Variants in IFT172 observed in about 807,000 individuals in gnomAD.
IFT172 encodes the protein intraflagellar transport protein 172 homolog.
Under a neutral mutation model 248.9 loss-of-function variants are expected in IFT172, and 164 were observed. That is an observed-to-expected ratio of 0.66 (90% CI 0.58 to 0.75). The LOEUF is 0.75. Among genes scored for constraint, IFT172 ranks in the 30% least tolerant of loss-of-function variants. The pLI, the probability that IFT172 is intolerant of heterozygous loss-of-function variation, is 0.00. For missense variants in IFT172, 1,950 were observed against 2,192.4 expected (o/e 0.89, Z 2.21); for synonymous variants, 729 against 791.6 (o/e 0.92, Z 1.33).
chr2:27,458,335 T>A, intron 26 of IFT172, 112 bp from the exon 27 acceptor site: 1 of 864,598 alleles, frequency 1.2e-6, no homozygotes, highest in Middle Eastern at 2.4e-4. Flanking sequence ...TCACAGGAGT[T>A]TGGGTATTGC....
Position 27,461,068 on chromosome 2 carries a change from T to G in IFT172, c.2468A>C (p.His823Pro). The G allele has an allele frequency of 6.2e-7, 1 of 1,614,120 alleles. No homozygotes were observed. Among genetic ancestry groups the G allele is most frequent in the Non-Finnish European group, 8.5e-7 (1 of 1,180,018 alleles). ...GCACTCCAGGGCCTTCTGTGGATTG[T>G]GAATCTTCTCAAAGAGATCACCTGC... ...ERAGDLFEKI[H>P]NPQKALECYR... Residue 823 changes from histidine to proline, a missense_variant, in exon 23 of 48, where the codon CAC becomes CCC. By Grantham distance (77) the His-to-Pro change is moderately conservative. Coordinates refer to ENST00000260570, the MANE Select transcript of IFT172 (RefSeq NM_015662.3).
In IFT172 at chr2:27,461,089, C is replaced by G; in HGVS notation, c.2447G>C (p.Gly816Ala). The G allele has an allele frequency of 6.2e-7, 1 of 1,614,136 alleles. No individual in the cohort carries two copies. Among genetic ancestry groups the G allele is most frequent in the South Asian group, 1.1e-5 (1 of 91,086 alleles). ...LIKGELYERA[G>A]DLFEKIHNPQ... is the part of the protein sequence containing the mutation. ...ATTGTGAATCTTCTCAAAGAGATCA[C>G]CTGCCTGTTAACACATACCACATTA... The change falls in exon 23 of 48, where the codon GGT (glycine) becomes GCT (alanine). Residue 816 changes from glycine to alanine, a missense_variant. Coordinates refer to ENST00000260570, the MANE Select transcript of IFT172 (RefSeq NM_015662.3).
At chr2:27,453,212 T>C (rs1321305503) in intron 35 of IFT172, 172 bp downstream of exon 35, 1 of 900,426 alleles carries the variant, frequency 1.1e-6, no homozygotes, top group Admixed American at 1.8e-5. Context: ...TATCCACTTT[T>C]ATAGCCTTCA....
At position 27,469,589 on chromosome 2, in the gene IFT172, T is replaced by C. The variant is rs1190922524; in HGVS notation, c.1692+1339A>G. The stretch of plus-strand genomic sequence containing the variant: ...GCTCATGCCTGTAATCCCAGCACTT[T>C]GGGAGGCCAAGGCGGGTGGATCACC... On this transcript the variant is annotated intron_variant, in intron 16 of 47. Coordinates refer to ENST00000260570, the MANE Select transcript of IFT172 (RefSeq NM_015662.3). 2.0e-5 allele frequency among the ~76,000 whole-genome samples: 3 copies of C among 152,172 alleles called. No homozygotes were observed. The East Asian group carries it at 5.8e-4, about 29-fold the overall frequency.
chr2:27,477,244 G>C lies in IFT172; in HGVS notation c.1298C>G (p.Thr433Ser). The C allele has an allele frequency of 6.2e-7, 1 of 1,614,090 alleles. No individual in the cohort carries two copies. Among genetic ancestry groups the C allele is most frequent in the Non-Finnish European group, 8.5e-7 (1 of 1,179,948 alleles). Residue 433 changes from threonine (T) to serine (S), a missense_variant, in exon 13 of 48, where the codon ACT (threonine) becomes AGT (serine). Physicochemically the swap from Thr to Ser is moderately conservative, Grantham distance 58. This residue lies in a region of IFT172 where 1,166 missense variants were observed against 1,254.1 expected (regional missense o/e 0.93). Transcript: ENST00000260570. The part of the protein sequence containing the change: ...GNNDTLGSVR[T>S]EFMNPHLISV... ...GATGAGGTGGGGGTTCATGAATTCA[G>C]TGCGTACAGAACCCAGGGTGTCATT...
In IFT172 at chr2:27,449,190, T is replaced by G. The variant is rs963290901; in HGVS notation, c.4311+104A>C. The G allele has an allele frequency of 4.2e-6, 6 of 1,430,996 alleles. No homozygotes were observed. The South Asian group carries it at 5.8e-5, about 14-fold the overall frequency. 88.6% of individuals were successfully genotyped at this position (1,430,996 alleles called of 1,614,324 possible). On this transcript the variant is annotated intron_variant, in intron 39 of 47. Coordinates refer to ENST00000260570, the MANE Select transcript of IFT172 (RefSeq NM_015662.3). The stretch of plus-strand genomic sequence containing the variant: ...CTTCTCTGATGCCCATTAGAAATCT[T>G]TGGGCTTTGGGTTTTTGTGGAGGTA...
intron 30 of IFT172, chr2:27,455,081 G>A (rs928115077): frequency 2.5e-5 from 7 of 276,952 alleles, no homozygotes; most frequent in African/African-American, 9.0e-5. Context: ...CCTCAGCATC[G>A]GACTCCATGA....
chr2:27,451,219 G>T (rs1340445043), intron 35 of IFT172, among the ~76,000 whole-genome samples: 1 of 152,006 alleles, frequency 6.6e-6, no homozygotes, highest in African/African-American at 2.4e-5. Flanking sequence ...AATCCCCTCT[G>T]GTCTTTCCCT....
rs758032853 is a variant in IFT172 at position 27,453,352 on chromosome 2, A to G, written c.3951+32T>C. 3.1e-6 allele frequency: 5 copies of G among 1,613,868 alleles called. No homozygotes were observed. In the East Asian group the frequency reaches 6.7e-5, roughly 22 times the overall value. On this transcript the variant is annotated intron_variant, in intron 35 of 47. Transcript: ENST00000260570. ...CAAGTGTGAATAGAGGCCTAGGGAGAAGGAGGGCCAGAAAGGGCCTGCTGT... is the reference window on the plus strand; with the variant it reads ...CAAGTGTGAATAGAGGCCTAGGGAGGAGGAGGGCCAGAAAGGGCCTGCTGT...
intron 8 of IFT172, among the ~76,000 whole-genome samples, 187 bp downstream of exon 8, chr2:27,480,859 A>G (rs1396538370): frequency 6.6e-6 from 1 of 152,172 alleles, no homozygotes; most frequent in Admixed American, 6.5e-5. Context: ...ACAAAACAAG[A>G]GCCCAGGACA....
In IFT172 at chr2:27,485,405, A is replaced by T. The variant is rs1668687495; in HGVS notation, c.138T>A (p.His46Gln). 6.2e-7 allele frequency: 1 copy of T among 1,614,070 alleles called. No homozygotes were observed. Among genetic ancestry groups the T allele is most frequent in the Non-Finnish European group, 8.5e-7 (1 of 1,180,046 alleles). Reference sequence around the variant, plus strand: ...TGGAGAATTTATCTCTCCGTTCTCCATGTTCATCATACAGCAAGACCACTC... The same window carrying T: ...TGGAGAATTTATCTCTCCGTTCTCCTTGTTCATCATACAGCAAGACCACTC... ...VDRVVLLYDE[H>Q]GERRDKFSTK... Residue 46 changes from histidine to glutamine, a missense_variant, in exon 2 of 48, where the codon CAT becomes CAA. Transcript: ENST00000260570.
chr2:27,448,958 GC>G lies in IFT172; in HGVS notation c.4384del (p.Ala1462HisfsTer28). On this transcript the variant is annotated frameshift_variant, in exon 40 of 48. Coordinates refer to ENST00000260570, the MANE Select transcript of IFT172 (RefSeq NM_015662.3). LOFTEE classifies it high-confidence loss of function. ...TCCGTGCTGTACATACAGGGCCAAT[GC>G]CTGGGCAGAGCTACCCTCCCGGATC... ...HLIREGSSAQ[A>X]LALYVQHGAP... 1 of 1,610,594 alleles carries G rather than the reference GC, an allele frequency of 6.2e-7. No individual in the cohort carries two copies. Among genetic ancestry groups the G allele is most frequent in the Non-Finnish European group, 8.5e-7 (1 of 1,176,744 alleles).
intron 11 of IFT172, 137 bp downstream of exon 11, chr2:27,477,858 C>T (rs1668080196): frequency 9.1e-7 from 1 of 1,097,232 alleles, no homozygotes; most frequent in Non-Finnish European, 1.3e-6. Context: ...TCCTGGGTCT[C>T]CTTCCCTGAA....
chr2:27,451,852 G>A (rs1284300802), intron 35 of IFT172, among the ~76,000 whole-genome samples: 3 of 151,972 alleles, frequency 2.0e-5, no homozygotes, highest in Non-Finnish European at 4.4e-5. Context: ...ATACGAATAT[G>A]TCATTTAGAG....
rs949178000 is a variant in IFT172 at position 27,445,235 on chromosome 2, G to A, written c.5068+61C>T. 12 of 1,584,598 alleles carry A rather than the reference G, an allele frequency of 7.6e-6. No individual in the cohort carries two copies. The highest frequency in any genetic ancestry group is 8.6e-6 in the Non-Finnish European group (10 of 1,163,936). ...CTTTACTGAATCCTAGTAAAATTAA[G>A]TTTATTGATCCTGCTGCTTTCTACC... On this transcript the variant is annotated intron_variant, in intron 46 of 47. Coordinates refer to ENST00000260570, the MANE Select transcript of IFT172 (RefSeq NM_015662.3). This position sits in a 1 kb window ranked among gnomAD's most constrained non-coding sequence, Gnocchi z 4.4.
rs1173921351 is a variant in IFT172 at position 27,453,366 on chromosome 2, A to T, written c.3951+18T>A. 1.9e-6 allele frequency: 3 copies of T among 1,614,034 alleles called. No homozygotes were observed. In the African/African-American group the frequency reaches 4.0e-5, roughly 22 times the overall value. On this transcript the variant is annotated intron_variant, in intron 35 of 47. Coordinates refer to ENST00000260570, the MANE Select transcript of IFT172 (RefSeq NM_015662.3). ...GGCCTAGGGAGAAGGAGGGCCAGAAAGGGCCTGCTGTCCTCACCTTCATCC... is the reference window on the plus strand; with the variant it reads ...GGCCTAGGGAGAAGGAGGGCCAGAATGGGCCTGCTGTCCTCACCTTCATCC...
In IFT172 at chr2:27,457,637, A is replaced by C; in HGVS notation, c.3228+2T>G. ...TCCCTCAGTGTGGCCTGAACTCCTT[A>C]CCCTGTAGGCCTCTTCCCAAAGCCC... On this transcript the variant is annotated splice_donor_variant, in intron 29 of 47. Transcript: ENST00000260570. LOFTEE classifies it high-confidence loss of function. The C allele has an allele frequency of 6.2e-7, 1 of 1,612,656 alleles. No individual in the cohort carries two copies. The highest frequency in any genetic ancestry group is 2.2e-5 in the East Asian group (1 of 44,880).
At chr2:27,486,582 C>T (rs568711616) in intron 1 of IFT172, among the ~76,000 whole-genome samples, 1 of 152,350 alleles carries the variant, frequency 6.6e-6, no homozygotes, top group South Asian at 2.1e-4. Context: ...TCTCCAAAGT[C>T]AGAAGTAAAA....
intron 35 of IFT172, among the ~76,000 whole-genome samples, chr2:27,451,336 G>A (rs1463726971): frequency 1.3e-5 from 2 of 152,216 alleles, no homozygotes; most frequent in African/African-American, 4.8e-5. Flanking sequence ...GTACAGTCAT[G>A]CCATGCTCCC....
Sources: allele counts gnomAD v4.1 joint callset (sites outside exome capture counted in the v4.1 genomes callset), GRCh38; gene constraint gnomAD v4.1.1; regional missense constraint gnomAD v4.1.1; non-coding constraint Gnocchi (gnomAD v3.1); transcripts MANE v1.5; gene names NCBI Gene and HGNC (gene_info 2026-07-23, HGNC 2026-07-21).